TERB1: variants seen among roughly 807,000 people sequenced by gnomAD.
TERB1 encodes telomere repeats-binding bouquet formation protein 1.
A neutral mutation model predicts 92.3 loss-of-function variants in TERB1; 63 were observed. That is an observed-to-expected ratio of 0.68 (90% confidence interval 0.56 to 0.84). The LOEUF is 0.84. TERB1 is among the 40% of genes least tolerant of loss of function. The pLI is 0.00. For missense variants in TERB1, 709 were observed against 843.7 expected (o/e 0.84, Z 1.98); for synonymous variants, 252 against 283.9 (o/e 0.89, Z 1.13).
At chr16:66,779,091 T>G in intron 9 of TERB1, 76 bp from the exon 10 acceptor site, 2 of 1,111,194 alleles carry the variant, frequency 1.8e-6, no homozygotes, top group Non-Finnish European at 2.4e-6. Context: ...AAATCTGCAT[T>G]AAATATAACA....
At chr16:66,789,017 C>CAAAAAAAAAAAA (rs57876042) in intron 5 of TERB1, among the ~76,000 whole-genome samples, 1 of 68,330 alleles carries the variant, frequency 1.5e-5, no homozygotes, top group Non-Finnish European at 3.0e-5. Flanking sequence ...GGTATGGTAC[C>CAAAAAAAAAAAA]AAAAAAAAAA....
At chr16:66,761,221 G>A (rs2018241344) in intron 16 of TERB1, among the ~76,000 whole-genome samples, 1 of 151,162 alleles carries the variant, frequency 6.6e-6, no homozygotes, top group Non-Finnish European at 1.5e-5. Context: ...GGAGGCCAAG[G>A]TGGGCAGATC....
chr16:66,772,871 T>A, intron 12 of TERB1, 122 bp from the exon 13 acceptor site: 2 of 702,138 alleles, frequency 2.8e-6, no homozygotes, highest in Non-Finnish European at 4.6e-6. Context: ...CTTAACAGCT[T>A]AATTGGTACT....
chr16:66,786,358 T>G, intron 6 of TERB1, 73 bp from the exon 7 acceptor site: 1 of 1,053,032 alleles, frequency 9.5e-7, no homozygotes, highest in Non-Finnish European at 1.4e-6. Context: ...AACAGTTAAG[T>G]TTTATTTTAA....
chr16:66,779,811 C>T (rs1315498291), intron 9 of TERB1, among the ~76,000 whole-genome samples: 1 of 152,184 alleles, frequency 6.6e-6, no homozygotes, highest in East Asian at 1.9e-4. Flanking sequence ...AAAGAGCATA[C>T]ATCTCATCCA....
intron 12 of TERB1, among the ~76,000 whole-genome samples, chr16:66,774,186 G>T (rs1353697880): frequency 6.1e-4 from 55 of 90,664 alleles, no homozygotes; most frequent in Middle Eastern, 0.011. Flanking sequence ...CAGCCCAAAC[G>T]TTTTTTTTTT....
At chr16:66,782,157 T>G (rs1463246341) in intron 9 of TERB1, among the ~76,000 whole-genome samples, 1 of 152,246 alleles carries the variant, frequency 6.6e-6, no homozygotes, top group East Asian at 1.9e-4. Flanking sequence ...GTTGAAAATA[T>G]CTTTTCCTCC....
chr16:66,791,350 A>G (rs1236497054), intron 3 of TERB1, among the ~76,000 whole-genome samples: 1 of 152,156 alleles, frequency 6.6e-6, no homozygotes, highest in African/African-American at 2.4e-5. Context: ...AAATAACAAC[A>G]TATGAGAATT....
At chr16:66,774,956 C>T (rs1185562809) in intron 12 of TERB1, among the ~76,000 whole-genome samples, 162 bp downstream of exon 12, 2 of 152,144 alleles carry the variant, frequency 1.3e-5, no homozygotes, top group Non-Finnish European at 2.9e-5. Context: ...CTTGGCCTCC[C>T]AAAGTGCTGG....
intron 3 of TERB1, among the ~76,000 whole-genome samples, chr16:66,796,529 T>G (rs2018931686): frequency 6.6e-6 from 1 of 152,246 alleles, no homozygotes; most frequent in Non-Finnish European, 1.5e-5. Context: ...GTTCCCATTA[T>G]TCTTGTATAC....
intron 6 of TERB1, among the ~76,000 whole-genome samples, chr16:66,787,955 A>G (rs772096242): frequency 2.0e-5 from 3 of 152,156 alleles, no homozygotes; most frequent in Admixed American, 6.5e-5. Context: ...CCAGCTACTC[A>G]GTAGGCTGAG....
At chr16:66,776,106 G>C (rs1160012281) in intron 11 of TERB1, among the ~76,000 whole-genome samples, 1 of 151,976 alleles carries the variant, frequency 6.6e-6, no homozygotes, top group Admixed American at 6.5e-5. Flanking sequence ...GAGGCAGGCG[G>C]ATCACCTGAG....
rs140415332 is a variant in TERB1 at position 66,795,606 on chromosome 16, T to G, written c.31+1162A>C. On this transcript the variant is annotated intron_variant, in intron 3 of 18. Transcript: ENST00000433154. ...CTGAGGTTGGAGGTTTCGTAAATGG[T>G]TTGAGAGGGGAATCACCAACAGTTA... Among the ~76,000 whole-genome samples, 4 of 152,278 alleles carry G rather than the reference T, an allele frequency of 2.6e-5. No individual in the cohort carries two copies. The East Asian group carries it at 7.7e-4, about 29-fold the overall frequency.
At chr16:66,755,957 A>G (rs1402080447) in intron 18 of TERB1, among the ~76,000 whole-genome samples, 1 of 152,218 alleles carries the variant, frequency 6.6e-6, no homozygotes, top group African/African-American at 2.4e-5. Flanking sequence ...ATGGTCAGCT[A>G]GATCAAAACT....
rs977472465 is a variant in TERB1, at chr16:66,795,074, T to C, written c.31+1694A>G. 1.4e-4 allele frequency among the ~76,000 whole-genome samples: 21 copies of C among 152,232 alleles called. 1 individual carries two copies. Among genetic ancestry groups the C allele is most frequent in the Admixed American group, 1.4e-3 (21 of 15,294 alleles). On this transcript the variant is annotated intron_variant, in intron 3 of 18. Coordinates refer to ENST00000433154, the MANE Select transcript of TERB1 (RefSeq NM_001136505.2). Reference sequence around the variant, plus strand: ...TCTGCAAATCAGTTATCCAAATAAATAGGGGGCTTGTGTTCAGAACACATA... The same window carrying C: ...TCTGCAAATCAGTTATCCAAATAAACAGGGGGCTTGTGTTCAGAACACATA...
intron 14 of TERB1, among the ~76,000 whole-genome samples, chr16:66,768,648 G>A (rs1372172867): frequency 6.6e-6 from 1 of 152,184 alleles, no homozygotes; most frequent in African/African-American, 2.4e-5. Context: ...TTAACAGGCA[G>A]TACAGAAAAA....
At chr16:66,766,877 C>A (rs376082916) in intron 16 of TERB1, among the ~76,000 whole-genome samples, 2 of 152,086 alleles carry the variant, frequency 1.3e-5, no homozygotes, top group Admixed American at 1.3e-4. Context: ...GAACTCCTGG[C>A]CTCAAGAAAT....
In TERB1 at chr16:66,787,649, C is replaced by A. The variant is rs1402092645; in HGVS notation, c.400+520G>T. Among the ~76,000 whole-genome samples the A allele has an allele frequency of 3.3e-5, 5 of 152,200 alleles. No individual in the cohort carries two copies. In the South Asian group the frequency reaches 1.0e-3, roughly 32 times the overall value. On this transcript the variant is annotated intron_variant, in intron 6 of 18. Coordinates refer to ENST00000433154, the MANE Select transcript of TERB1 (RefSeq NM_001136505.2). ...CAGCAGAAAATCAAATAAACTAATT[C>A]ATTAAATGCCTCTCTTTTTCTCTTT...
intron 9 of TERB1, among the ~76,000 whole-genome samples, chr16:66,781,678 C>A (rs771108151): frequency 5.3e-5 from 8 of 151,922 alleles, no homozygotes; most frequent in Non-Finnish European, 1.0e-4. Context: ...CACCACCACG[C>A]CCGGCTAATT....
Sources: gnomAD v4.1 joint callset for allele counts (sites outside exome capture counted in the v4.1 genomes callset) on GRCh38, gnomAD v4.1.1 for gene constraint, MANE v1.5 for transcripts, NCBI Gene and HGNC (gene_info 2026-07-23, HGNC 2026-07-21) for gene names.